RALYL: variants seen among roughly 807,000 people sequenced by gnomAD.
RALYL encodes RALY RNA binding protein like, also known as RNA-binding Raly-like protein.
In RALYL, 29 loss-of-function variants were observed where a neutral mutation model predicts 35.1. The ratio of observed to expected loss-of-function variants is 0.83; its 90% CI spans 0.61 to 1.13. The LOEUF is 1.13. Ranked by LOEUF, RALYL falls within the 50% of genes most tolerant of loss-of-function variation. The pLI is 0.00. For synonymous variants in RALYL, 120 were observed against 127.6 expected (o/e 0.94, Z 0.40); for missense variants, 359 against 360.4 (o/e 1.00, Z 0.03).
intron 1 of RALYL, among the ~76,000 whole-genome samples, chr8:84,187,045 GA>G (rs112799994): frequency 2.0e-5 from 3 of 151,902 alleles, no homozygotes; most frequent in African/African-American, 7.2e-5. Context: ...GAGAAGGAGG[GA>G]AAAAAAAGTT....
chr8:84,405,495 A>G (rs924620963), intron 1 of RALYL, among the ~76,000 whole-genome samples: 5 of 152,190 alleles, frequency 3.3e-5, no homozygotes, highest in African/African-American at 1.2e-4. Context: ...GAGAAGAATC[A>G]TATAGACACA....
intron 1 of RALYL, among the ~76,000 whole-genome samples, chr8:84,450,000 A>G (rs957011883): frequency 1.3e-5 from 2 of 151,872 alleles, no homozygotes; most frequent in Non-Finnish European, 2.9e-5. Flanking sequence ...AACGCATAGA[A>G]GGCGTTCAGA....
intron 2 of RALYL, chr8:84,705,958 C>T: frequency 4.6e-6 from 7 of 1,529,446 alleles, no homozygotes; most frequent in Non-Finnish European, 6.1e-6. Context: ...AAAGCAGGAG[C>T]ACAACCCGTC....
chr8:84,360,602 C>A (rs1852788720), intron 1 of RALYL, among the ~76,000 whole-genome samples: 1 of 152,052 alleles, frequency 6.6e-6, no homozygotes, highest in Non-Finnish European at 1.5e-5. Context: ...CACAAGGATA[C>A]TGTAGAAAAG....
chr8:84,495,792 A>C (rs935940862), intron 1 of RALYL, among the ~76,000 whole-genome samples: 1 of 152,076 alleles, frequency 6.6e-6, no homozygotes, highest in African/African-American at 2.4e-5. Context: ...TCAGCATTAC[A>C]GCCAGAAGCA....
intron 1 of RALYL, among the ~76,000 whole-genome samples, chr8:84,221,662 T>C (rs191821746): frequency 3.9e-5 from 6 of 152,242 alleles, no homozygotes; most frequent in South Asian, 2.1e-4. Context: ...TTGGCTGTTA[T>C]TATTAGATAC....
At chr8:84,822,559 CAG>C (rs1265710356) in intron 4 of RALYL, among the ~76,000 whole-genome samples, 7 of 152,166 alleles carry the variant, frequency 4.6e-5, no homozygotes, top group Admixed American at 4.6e-4. Context: ...GCCTGCTAGA[CAG>C]GGATAGTTTC....
chr8:84,648,339 C>T (rs970626876), intron 2 of RALYL, among the ~76,000 whole-genome samples: 3 of 151,990 alleles, frequency 2.0e-5, no homozygotes, highest in African/African-American at 7.2e-5. Flanking sequence ...GCTCAAGCTC[C>T]CCATCATAAA....
chr8:84,524,240 A>C (rs975294867), intron 1 of RALYL, among the ~76,000 whole-genome samples: 1 of 152,218 alleles, frequency 6.6e-6, no homozygotes, highest in Non-Finnish European at 1.5e-5. Flanking sequence ...CAATGAACTC[A>C]AACAGATTTA....
chr8:84,692,184 A>T (rs937867125), intron 2 of RALYL, among the ~76,000 whole-genome samples: 1 of 151,978 alleles, frequency 6.6e-6, no homozygotes, highest in Non-Finnish European at 1.5e-5. Flanking sequence ...TGAGAAAAAG[A>T]TGCACATTCT....
intron 1 of RALYL, among the ~76,000 whole-genome samples, chr8:84,193,923 A>G (rs1310809889): frequency 6.6e-6 from 1 of 152,178 alleles, no homozygotes; most frequent in Non-Finnish European, 1.5e-5. Context: ...GGGCTGAGAA[A>G]GAGAGCAAGG....
chr8:84,307,431 G>A (rs888622265), intron 1 of RALYL, among the ~76,000 whole-genome samples: 2 of 152,042 alleles, frequency 1.3e-5, no homozygotes, highest in Non-Finnish European at 2.9e-5. Context: ...TAAATAGTTT[G>A]CCCTCTCTTG....
intron 1 of RALYL, among the ~76,000 whole-genome samples, chr8:84,272,291 A>G (rs1834464302): frequency 6.6e-6 from 1 of 151,980 alleles, no homozygotes; most frequent in African/African-American, 2.4e-5. Flanking sequence ...ATGGGGTTTC[A>G]TCATGTTGGC....
intron 2 of RALYL, among the ~76,000 whole-genome samples, chr8:84,677,342 T>C (rs1382510760): frequency 6.6e-6 from 1 of 152,216 alleles, no homozygotes; most frequent in African/African-American, 2.4e-5. Flanking sequence ...GATATTTTCA[T>C]ATAGCAGTAA....
intron 1 of RALYL, among the ~76,000 whole-genome samples, chr8:84,393,023 A>G (rs1418689642): frequency 1.3e-5 from 2 of 152,102 alleles, no homozygotes; most frequent in African/African-American, 4.8e-5. Context: ...TCTTTGCCTA[A>G]AGGAAGTGTA....
chr8:84,677,517 C>T, intron 2 of RALYL, among the ~76,000 whole-genome samples: 1 of 152,018 alleles, frequency 6.6e-6, no homozygotes, highest in Non-Finnish European at 1.5e-5. Context: ...ATGATCTGAA[C>T]AAAATGTGTT....
chr8:84,641,618 A>G (rs1338994229), intron 2 of RALYL, among the ~76,000 whole-genome samples: 1 of 151,874 alleles, frequency 6.6e-6, no homozygotes, highest in Non-Finnish European at 1.5e-5. Context: ...AAACTGTCAT[A>G]TTACACAAAG....
At chr8:84,273,796 C>A (rs1415095898) in intron 1 of RALYL, among the ~76,000 whole-genome samples, 1 of 152,060 alleles carries the variant, frequency 6.6e-6, no homozygotes, top group Admixed American at 6.6e-5. Flanking sequence ...ATGATAAAGG[C>A]AGGAGGAAAT....
intron 2 of RALYL, among the ~76,000 whole-genome samples, chr8:84,621,320 C>G (rs544123273): frequency 1.3e-5 from 2 of 152,166 alleles, no homozygotes; most frequent in African/African-American, 4.8e-5. Flanking sequence ...TTAAGCCCGT[C>G]GGAAAAGCGC....
Sources: gnomAD v4.1 joint callset for allele counts (sites outside exome capture counted in the v4.1 genomes callset) on GRCh38, gnomAD v4.1.1 for gene constraint, MANE v1.5 for transcripts, NCBI Gene and HGNC (gene_info 2026-07-23, HGNC 2026-07-21) for gene names.